Variants in SLC12A6 observed in about 807,000 individuals in gnomAD.
The protein encoded by SLC12A6 is solute carrier family 12 member 6.
A neutral mutation model predicts 135.3 loss-of-function variants in SLC12A6; 66 were observed. That is an observed-to-expected ratio of 0.49 (90% CI 0.40 to 0.60). SLC12A6 has a LOEUF of 0.60. SLC12A6 is among the 20% of genes least tolerant of loss of function. The pLI, the probability that SLC12A6 is intolerant of heterozygous loss-of-function variation, is 0.00. For missense variants in SLC12A6, 1,058 were observed against 1,452.3 expected, an observed-to-expected ratio of 0.73 and a Z score of 4.41; for synonymous variants, 513 against 508.8, an observed-to-expected ratio of 1.01 and a Z score of -0.11.
intron 3 of SLC12A6, among the ~76,000 whole-genome samples, chr15:34,271,332 G>A (rs988150759): frequency 3.3e-5 from 5 of 150,838 alleles, no homozygotes; most frequent in East Asian, 1.9e-4. Flanking sequence ...CAAATATTTC[G>A]TTCAGGATTG....
intron 25 of SLC12A6, 78 bp downstream of exon 25, chr15:34,235,103 T>A: frequency 7.5e-7 from 1 of 1,328,148 alleles, no homozygotes; most frequent in South Asian, 1.2e-5. Flanking sequence ...AGACAATGAC[T>A]TTTATTGTTA....
In SLC12A6 at chr15:34,337,325, A is replaced by G. The variant is rs1312450027; in HGVS notation, c.-73+7T>C. 2 of 158,902 alleles carry G rather than the reference A, an allele frequency of 1.3e-5. No individual in the cohort carries two copies. Among genetic ancestry groups the G allele is most frequent in the African/African-American group, 4.8e-5 (2 of 41,460 alleles). 9.8% of individuals were successfully genotyped at this position (158,902 alleles called of 1,614,324 possible). ...GGTGCACATGCATAACGGGAAAAAT[A>G]ACCCACACTACTGAGAGAAGGGTGA... On this transcript the variant is annotated splice_region_variant and intron_variant, in intron 1 of 25. Coordinates refer to ENST00000354181, the MANE Select transcript of SLC12A6 (RefSeq NM_001365088.1).
At chr15:34,241,048 G>A in intron 18 of SLC12A6, 185 bp downstream of exon 18, 2 of 653,536 alleles carry the variant, frequency 3.1e-6, no homozygotes, top group Non-Finnish European at 2.7e-6. Context: ...ATAAATTGTA[G>A]AAATCTTGAT....
chr15:34,281,665 G>A (rs1894688576), intron 2 of SLC12A6, among the ~76,000 whole-genome samples: 1 of 152,200 alleles, frequency 6.6e-6, no homozygotes, highest in Admixed American at 6.5e-5. Context: ...GCGCATGCCT[G>A]TAGTCCCAGC....
chr15:34,267,452 A>C (rs922423014), intron 3 of SLC12A6, among the ~76,000 whole-genome samples: 7 of 152,238 alleles, frequency 4.6e-5, no homozygotes, highest in African/African-American at 1.7e-4. Context: ...ATTTTGGAGC[A>C]AATAATTACT....
chr15:34,322,454 T>C (rs1235381572), intron 2 of SLC12A6, among the ~76,000 whole-genome samples: 2 of 152,198 alleles, frequency 1.3e-5, no homozygotes, highest in African/African-American at 4.8e-5. Flanking sequence ...CTGCAGTTAC[T>C]GAATTCTAAT....
intron 2 of SLC12A6, among the ~76,000 whole-genome samples, chr15:34,301,300 G>A (rs923570353): frequency 2.0e-5 from 3 of 152,096 alleles, no homozygotes; most frequent in Non-Finnish European, 4.4e-5. Context: ...CAAATACCAA[G>A]AGACCAAAAT....
intron 3 of SLC12A6, among the ~76,000 whole-genome samples, chr15:34,273,777 A>C (rs1894117097): frequency 6.6e-6 from 1 of 152,222 alleles, no homozygotes; most frequent in Non-Finnish European, 1.5e-5. Flanking sequence ...ATAATATACT[A>C]AAAATTACTT....
intron 2 of SLC12A6, chr15:34,318,884 T>C: frequency 7.6e-7 from 1 of 1,315,068 alleles, no homozygotes; most frequent in Non-Finnish European, 1.0e-6. Flanking sequence ...CCACAGTGTT[T>C]ATCATTCACT....
chr15:34,329,831 T>A (rs1889717433), intron 2 of SLC12A6, among the ~76,000 whole-genome samples: 1 of 152,184 alleles, frequency 6.6e-6, no homozygotes, highest in Non-Finnish European at 1.5e-5. Flanking sequence ...TCTTCAAAGA[T>A]AAAAGCTAAG....
In SLC12A6 at chr15:34,235,962, T is replaced by C. The variant is rs1277497045; in HGVS notation, c.3227+53A>G. ...CCTGTGTGTCCAGGCAAAGTCACAT[T>C]TGTGCCACTGATTAGGTAATTTTAT... On this transcript the variant is annotated intron_variant, in intron 24 of 25. Coordinates refer to ENST00000354181, the MANE Select transcript of SLC12A6 (RefSeq NM_001365088.1). 8.0e-6 allele frequency: 11 copies of C among 1,367,322 alleles called. No individual in the cohort carries two copies. The East Asian group carries it at 2.1e-4, about 26-fold the overall frequency. The allele number at this position is 1,367,322 out of a possible 1,614,324, so 84.7% of individuals were successfully genotyped here.
chr15:34,287,146 C>G (rs193234763), intron 2 of SLC12A6, among the ~76,000 whole-genome samples: 1 of 152,068 alleles, frequency 6.6e-6, no homozygotes, highest in Non-Finnish European at 1.5e-5. Context: ...TTCCCTACCC[C>G]CCCGGGCTCT....
chr15:34,323,677 A>T (rs907529038), intron 2 of SLC12A6, among the ~76,000 whole-genome samples: 1 of 152,184 alleles, frequency 6.6e-6, no homozygotes, highest in Non-Finnish European at 1.5e-5. Flanking sequence ...GCATCCAGGC[A>T]TGGTGGCTCA....
At chr15:34,236,986 G>A in intron 22 of SLC12A6, 171 bp from the exon 23 acceptor site, 2 of 640,434 alleles carry the variant, frequency 3.1e-6, no homozygotes, top group Non-Finnish European at 5.7e-6. Context: ...TTTTGTGACT[G>A]TAGATAAAAT....
intron 2 of SLC12A6, among the ~76,000 whole-genome samples, chr15:34,334,093 AC>A (rs1346837515): frequency 2.0e-5 from 3 of 151,842 alleles, no homozygotes; most frequent in African/African-American, 7.3e-5. Flanking sequence ...AACAAAAAAA[AC>A]TTCATGTGTC....
chr15:34,297,465 A>T (rs1316603102), intron 2 of SLC12A6, among the ~76,000 whole-genome samples: 1 of 152,244 alleles, frequency 6.6e-6, no homozygotes, highest in Non-Finnish European at 1.5e-5. Flanking sequence ...CATGTGAAGA[A>T]GAATTATTCC....
At chr15:34,251,881 CAAG>C (rs1892416370) in intron 10 of SLC12A6, among the ~76,000 whole-genome samples, 1 of 152,144 alleles carries the variant, frequency 6.6e-6, no homozygotes, top group Non-Finnish European at 1.5e-5. Flanking sequence ...GGCAATTTTA[CAAG>C]AATACACGGA....
intron 2 of SLC12A6, among the ~76,000 whole-genome samples, chr15:34,292,963 T>G (rs567654628): frequency 1.3e-4 from 20 of 152,324 alleles, no homozygotes; most frequent in African/African-American, 4.6e-4. Context: ...CGACCCCTTG[T>G]GCTTCCTGGG....
rs111302342 is a variant in SLC12A6 at position 34,260,783 on chromosome 15, T to C, written c.411+143A>G. The C allele has an allele frequency of 0.014, 8,632 of 617,062 alleles. 80 individuals carry two copies. Among genetic ancestry groups the C allele is most frequent in the Middle Eastern group, 0.022 (48 of 2,218 alleles). 38.2% of individuals were successfully genotyped at this position (617,062 alleles called of 1,614,324 possible). On this transcript the variant is annotated intron_variant, in intron 4 of 25. Transcript: ENST00000354181. ...ATAATTAGATTACACAGACAAAATT[T>C]ACTATAATAACAAGTTACAATATTT...
Sources: allele counts gnomAD v4.1 joint callset (sites outside exome capture counted in the v4.1 genomes callset), GRCh38; gene constraint gnomAD v4.1.1; transcripts MANE v1.5; gene names NCBI Gene and HGNC (gene_info 2026-07-23, HGNC 2026-07-21).